The following MAP2K6 variants were observed in gnomAD, a reference collection of about 807,000 sequenced individuals.
The protein encoded by MAP2K6 is mitogen-activated protein kinase kinase 6.
A neutral mutation model predicts 53.7 loss-of-function variants in MAP2K6; 16 were observed. The observed-to-expected ratio is 0.30, with a 90% CI of 0.20 to 0.45. The LOEUF (loss-of-function observed/expected upper bound fraction) is 0.45. MAP2K6 is among the 20% of genes least tolerant of loss of function. The pLI, the probability that MAP2K6 is intolerant of heterozygous loss-of-function variation, is 1.00. For synonymous variants in MAP2K6, 132 were observed against 143.1 expected, an observed-to-expected ratio of 0.92 and a Z score of 0.55; for missense variants, 204 against 411.9, an observed-to-expected ratio of 0.50 and a Z score of 4.37.
chr17:69,429,283 GA>G (rs35219021), intron 1 of MAP2K6, among the ~76,000 whole-genome samples: 79,254 of 135,750 alleles, frequency 0.58, 22,512 homozygotes, highest in African/African-American at 0.72. Flanking sequence ...TACAAAAAGT[GA>G]AAAAAAAAAA....
intron 1 of MAP2K6, among the ~76,000 whole-genome samples, chr17:69,483,998 A>G (rs73363644): frequency 4.3e-3 from 655 of 152,210 alleles, no homozygotes; most frequent in African/African-American, 0.014. Context: ...TTAGAAGAAA[A>G]CATAGGTGTA....
At chr17:69,511,864 A>T (rs1468791758) in intron 2 of MAP2K6, among the ~76,000 whole-genome samples, 9 of 152,234 alleles carry the variant, frequency 5.9e-5, no homozygotes, top group African/African-American at 2.2e-4. Flanking sequence ...CTGTAATCCC[A>T]GCTTCTTGGG....
At chr17:69,465,852 C>T (rs948848685) in intron 1 of MAP2K6, among the ~76,000 whole-genome samples, 4 of 151,508 alleles carry the variant, frequency 2.6e-5, no homozygotes, top group African/African-American at 9.7e-5. Context: ...CTACTGACCT[C>T]AGGTGATCTG....
intron 1 of MAP2K6, among the ~76,000 whole-genome samples, chr17:69,488,098 A>C (rs1908611542): frequency 6.6e-6 from 1 of 152,240 alleles, no homozygotes; most frequent in South Asian, 2.1e-4. Flanking sequence ...TAAGAAACTT[A>C]ATTCAACAAG....
intron 1 of MAP2K6, among the ~76,000 whole-genome samples, chr17:69,441,513 G>A (rs1056998986): frequency 6.6e-6 from 1 of 152,144 alleles, no homozygotes; most frequent in Non-Finnish European, 1.5e-5. Flanking sequence ...TTGCTGAGAT[G>A]TCCTCTTGTC....
intron 11 of MAP2K6, 32 bp downstream of exon 11, chr17:69,536,192 T>C (rs1911350157): frequency 6.4e-7 from 1 of 1,550,440 alleles, no homozygotes; most frequent in East Asian, 2.2e-5. Context: ...AACATGACTA[T>C]ACTGATAGCT....
At chr17:69,528,859 C>CAA (rs58897757) in intron 10 of MAP2K6, among the ~76,000 whole-genome samples, 21 of 59,120 alleles carry the variant, frequency 3.6e-4, no homozygotes, top group South Asian at 9.4e-4. Flanking sequence ...GACGCCATCT[C>CAA]AAAAAAAAAA....
In MAP2K6 at chr17:69,500,760, A is replaced by AT. The variant is rs1359903717; in HGVS notation, c.17-5020_17-5019insT. Among the ~76,000 whole-genome samples the AT allele has an allele frequency of 2.7e-5, 4 of 150,020 alleles. No homozygotes were observed. The East Asian group carries it at 7.8e-4, about 29-fold the overall frequency. Reference sequence around the variant, plus strand: ...GACAGAGCAAGATTCCATCTCAAAAAAAAAAGAAAAAAAAAAAGAGGTTTT... The same window carrying AT: ...GACAGAGCAAGATTCCATCTCAAAAATAAAAAGAAAAAAAAAAAGAGGTTTT... On this transcript the variant is annotated intron_variant, in intron 1 of 11. Transcript: ENST00000590474.
Position 69,431,172 on chromosome 17 carries a change from A to G in MAP2K6, c.16+16172A>G, listed in dbSNP as rs556400473. Among the ~76,000 whole-genome samples, 316 of 152,316 alleles carry G rather than the reference A, an allele frequency of 2.1e-3. 3 individuals carry two copies. Among genetic ancestry groups the G allele is most frequent in the Non-Finnish European group, 3.4e-3 (233 of 68,034 alleles). The stretch of plus-strand genomic sequence containing the variant: ...AAGGAGGAAGTTGCAACTTTGGTGC[A>G]TAACTTGTCTCAGATTATACCGTTA... On this transcript the variant is annotated intron_variant, in intron 1 of 11. Coordinates refer to ENST00000590474, the MANE Select transcript of MAP2K6 (RefSeq NM_002758.4).
At chr17:69,419,863 G>A (rs1362617632) in intron 1 of MAP2K6, among the ~76,000 whole-genome samples, 1 of 150,846 alleles carries the variant, frequency 6.6e-6, no homozygotes, top group Non-Finnish European at 1.5e-5. Context: ...GCAATGAGCA[G>A]AGATTGTGCC....
At chr17:69,487,857 A>C (rs1908604004) in intron 1 of MAP2K6, among the ~76,000 whole-genome samples, 1 of 152,232 alleles carries the variant, frequency 6.6e-6, no homozygotes, top group African/African-American at 2.4e-5. Flanking sequence ...TTTACTTAAA[A>C]TCAATCCAAT....
chr17:69,494,896 T>C lies in MAP2K6; in HGVS notation c.17-10884T>C, dbSNP rs1398120579. On this transcript the variant is annotated intron_variant, in intron 1 of 11. Transcript: ENST00000590474. This position sits in a 1 kb window ranked among gnomAD's most constrained non-coding sequence, Gnocchi z 4.2. ...GGCGCACTTCTGTAATCCCAGCTAC[T>C]CGGGAGGCTGAGATAGGAGCATCGC... Among the ~76,000 whole-genome samples the C allele has an allele frequency of 6.6e-6, 1 of 151,768 alleles. No individual in the cohort carries two copies. The highest frequency in any genetic ancestry group is 1.5e-5 in the Non-Finnish European group (1 of 67,934).
chr17:69,485,412 C>T lies in MAP2K6; in HGVS notation c.17-20368C>T, dbSNP rs913913491. On this transcript the variant is annotated intron_variant, in intron 1 of 11. Coordinates refer to ENST00000590474, the MANE Select transcript of MAP2K6 (RefSeq NM_002758.4). ...AATTCAGCCTTGCAGAGTTGTTTGC[C>T]TGTTTGAATTTTCTCTTATCTCTAT... is the stretch of plus-strand genomic sequence containing the variant. The T allele has an allele frequency of 3.2e-6, 3 of 931,736 alleles. No homozygotes were observed. In the African/African-American group the frequency reaches 5.4e-5, roughly 17 times the overall value. 57.7% of individuals were successfully genotyped at this position (931,736 alleles called of 1,614,324 possible).
chr17:69,523,767 C>G, intron 8 of MAP2K6, 126 bp downstream of exon 8: 1 of 1,169,298 alleles, frequency 8.6e-7, no homozygotes, highest in Non-Finnish European at 1.2e-6. Flanking sequence ...TAGTCTGCCT[C>G]TTAGTATTTC....
chr17:69,444,493 C>T (rs549658160), intron 1 of MAP2K6, among the ~76,000 whole-genome samples: 7 of 152,258 alleles, frequency 4.6e-5, no homozygotes, highest in East Asian at 3.9e-4. Flanking sequence ...AGTGAAGCCC[C>T]GAAACATATC....
intron 1 of MAP2K6, among the ~76,000 whole-genome samples, chr17:69,466,122 A>T (rs1284294193): frequency 6.6e-6 from 1 of 150,384 alleles, no homozygotes; most frequent in Admixed American, 6.6e-5. Context: ...AAAAAAAAAA[A>T]AAAAAATGCA....
chr17:69,508,599 G>A (rs533173199), intron 2 of MAP2K6, among the ~76,000 whole-genome samples: 1 of 152,140 alleles, frequency 6.6e-6, no homozygotes, highest in Non-Finnish European at 1.5e-5. Flanking sequence ...TTTGTAATTT[G>A]TCTTTTTATG....
intron 1 of MAP2K6, among the ~76,000 whole-genome samples, chr17:69,438,022 A>G (rs1567817785): frequency 6.6e-6 from 1 of 152,246 alleles, no homozygotes; most frequent in African/African-American, 2.4e-5. Flanking sequence ...AAAAGTAGCC[A>G]ATAAATTACA....
intron 1 of MAP2K6, among the ~76,000 whole-genome samples, chr17:69,463,805 G>C (rs1907710002): frequency 6.6e-6 from 1 of 151,904 alleles, no homozygotes; most frequent in African/African-American, 2.4e-5. Flanking sequence ...ATCACCTGAG[G>C]TCAGGAGTTC....
Sources: gnomAD v4.1 joint callset for allele counts (sites outside exome capture counted in the v4.1 genomes callset) on GRCh38, gnomAD v4.1.1 for gene constraint, Gnocchi (gnomAD v3.1) non-coding constraint, MANE v1.5 for transcripts, NCBI Gene and HGNC (gene_info 2026-07-23, HGNC 2026-07-21) for gene names.